ZFAND3: variants seen among roughly 807,000 people sequenced by gnomAD.
The protein encoded by ZFAND3 is AN1-type zinc finger protein 3.
Under a neutral mutation model 29.6 loss-of-function variants are expected in ZFAND3, and 10 were observed. The ratio of observed to expected loss-of-function variants is 0.34; its 90% confidence interval spans 0.21 to 0.57. The LOEUF (loss-of-function observed/expected upper bound fraction) is 0.57, where lower values mean the gene tolerates loss of function less well. Among genes scored for constraint, ZFAND3 ranks in the 20% least tolerant of loss-of-function variants. ZFAND3 has a pLI of 0.86. For missense variants in ZFAND3, 230 were observed against 304.5 expected (o/e 0.76, Z 1.82); for synonymous variants, 128 against 112.6 (o/e 1.14, Z -0.87).
At chr6:38,088,138 G>T (rs937696212) in intron 4 of ZFAND3, among the ~76,000 whole-genome samples, 1 of 152,134 alleles carries the variant, frequency 6.6e-6, no homozygotes, top group Non-Finnish European at 1.5e-5. Context: ...ACAGATGAAT[G>T]GATAAAGAAA....
chr6:37,836,274 T>C (rs1763966426), intron 1 of ZFAND3, among the ~76,000 whole-genome samples: 1 of 145,924 alleles, frequency 6.9e-6, no homozygotes, highest in Non-Finnish European at 1.5e-5. Context: ...ATCCTTGACC[T>C]TTTTTCTTTC....
At chr6:37,821,066 C>T (rs1763658196) in intron 1 of ZFAND3, among the ~76,000 whole-genome samples, 2 of 152,146 alleles carry the variant, frequency 1.3e-5, no homozygotes, top group South Asian at 4.1e-4. Flanking sequence ...TATTTGGAGA[C>T]ATAGAGGCAG....
chr6:37,867,671 A>G (rs1456667518), intron 1 of ZFAND3, among the ~76,000 whole-genome samples: 2 of 152,198 alleles, frequency 1.3e-5, no homozygotes, highest in Non-Finnish European at 2.9e-5. Context: ...TTTACTGCCT[A>G]TTCGCCATAG....
intron 5 of ZFAND3, among the ~76,000 whole-genome samples, chr6:38,117,675 G>A (rs1765448061): frequency 6.6e-6 from 1 of 152,198 alleles, no homozygotes; most frequent in Admixed American, 6.5e-5. Context: ...CTTTCTTTCT[G>A]AGAAGTCAGC....
intron 2 of ZFAND3, among the ~76,000 whole-genome samples, chr6:38,041,658 CT>C (rs1253806082): frequency 4.0e-4 from 9 of 22,402 alleles, no homozygotes; most frequent in Middle Eastern, 0.02. Context: ...TCTTCTTCTT[CT>C]TCTTCTTCTT....
intron 2 of ZFAND3, among the ~76,000 whole-genome samples, chr6:38,038,551 C>A (rs1282823259): frequency 6.6e-6 from 1 of 152,012 alleles, no homozygotes; most frequent in South Asian, 2.1e-4. Flanking sequence ...TCACCTTAGG[C>A]CCCCAGGAGG....
chr6:37,984,258 AAATGCCAATTCTT>A, intron 2 of ZFAND3, among the ~76,000 whole-genome samples: 1 of 151,782 alleles, frequency 6.6e-6, no homozygotes, highest in Non-Finnish European at 1.5e-5. Flanking sequence ...AAAGGTCATG[AAATGCCAATTCTT>A]ACAATTAGTT....
rs1441060843 is a variant in ZFAND3 at position 38,144,194 on chromosome 6, TA to T, written c.530-8040del. Among the ~76,000 whole-genome samples the T allele has an allele frequency of 5.7e-3, 183 of 32,182 alleles. 5 individuals are homozygous for T. Among genetic ancestry groups the T allele is most frequent in the African/African-American group, 0.011 (81 of 7,234 alleles). 21.1% of individuals were successfully genotyped at this position (32,182 alleles called of 152,430 possible). ...GTGATATATATATATAATATATATA[TA>T]TATATATATATATATAATATATAAT... On this transcript the variant is annotated intron_variant, in intron 5 of 5. Transcript: ENST00000287218.
intron 5 of ZFAND3, among the ~76,000 whole-genome samples, chr6:38,122,566 G>A (rs930253267): frequency 2.0e-5 from 3 of 152,106 alleles, no homozygotes; most frequent in Non-Finnish European, 2.9e-5. Context: ...CTTCAGTGGT[G>A]GGGGGAGGAT....
intron 2 of ZFAND3, among the ~76,000 whole-genome samples, chr6:37,939,639 G>T (rs973810308): frequency 1.3e-5 from 2 of 152,094 alleles, no homozygotes; most frequent in African/African-American, 4.8e-5. Flanking sequence ...TATGCTGATG[G>T]TACACCTTTA....
chr6:38,074,998 GAA>G (rs1764525436), intron 3 of ZFAND3, among the ~76,000 whole-genome samples: 1 of 152,156 alleles, frequency 6.6e-6, no homozygotes, highest in South Asian at 2.1e-4. Context: ...CTACTGCTGA[GAA>G]AAAGATTCCT....
intron 1 of ZFAND3, among the ~76,000 whole-genome samples, chr6:37,881,021 A>T (rs2127391994): frequency 6.7e-6 from 1 of 149,800 alleles, no homozygotes; most frequent in Non-Finnish European, 1.5e-5. Context: ...AAAAAAAAAA[A>T]AATACTCTTC....
intron 5 of ZFAND3, among the ~76,000 whole-genome samples, chr6:38,123,207 G>C (rs1483372544): frequency 6.6e-6 from 1 of 152,238 alleles, no homozygotes; most frequent in African/African-American, 2.4e-5. Context: ...TGTCACAACT[G>C]TTGCTGCCAT....
intron 1 of ZFAND3, among the ~76,000 whole-genome samples, chr6:37,866,928 C>T (rs114089995): frequency 4.2e-3 from 634 of 152,198 alleles, no homozygotes; most frequent in Non-Finnish European, 6.3e-3. Flanking sequence ...TTACTAAGGA[C>T]CTGGGATGCT....
At chr6:38,119,264 A>C (rs1318931748) in intron 5 of ZFAND3, among the ~76,000 whole-genome samples, 1 of 152,094 alleles carries the variant, frequency 6.6e-6, no homozygotes, top group African/African-American at 2.4e-5. Flanking sequence ...GGTGAGTTGT[A>C]CTGTTATTTC....
intron 5 of ZFAND3, among the ~76,000 whole-genome samples, chr6:38,129,360 T>G (rs967071483): frequency 6.6e-6 from 1 of 152,266 alleles, no homozygotes; most frequent in Non-Finnish European, 1.5e-5. Flanking sequence ...TTGGTTTTAT[T>G]GCATTTGCTT....
intron 2 of ZFAND3, among the ~76,000 whole-genome samples, chr6:37,988,137 G>GA (rs1317701440): frequency 6.6e-6 from 1 of 152,126 alleles, no homozygotes; most frequent in Non-Finnish European, 1.5e-5. Flanking sequence ...CCAATAAGTA[G>GA]AAAAAACTGG....
chr6:38,021,931 A>G (rs980295078), intron 2 of ZFAND3, among the ~76,000 whole-genome samples: 5 of 152,232 alleles, frequency 3.3e-5, no homozygotes, highest in Admixed American at 1.3e-4. Flanking sequence ...GAGACCATCA[A>G]TACTTAAATA....
At chr6:38,020,424 C>T (rs1021381920) in intron 2 of ZFAND3, among the ~76,000 whole-genome samples, 1 of 152,044 alleles carries the variant, frequency 6.6e-6, no homozygotes, top group Non-Finnish European at 1.5e-5. Context: ...CAAAAAAATA[C>T]TGTGCTTTAG....
Sources: allele counts gnomAD v4.1 joint callset (sites outside exome capture counted in the v4.1 genomes callset), GRCh38; gene constraint gnomAD v4.1.1; transcripts MANE v1.5; gene names NCBI Gene and HGNC (gene_info 2026-07-23, HGNC 2026-07-21).